The following COBL variants were observed in gnomAD, a reference collection of about 807,000 sequenced individuals.
The protein encoded by COBL is cordon-bleu WH2 repeat protein.
In COBL, 51 loss-of-function variants were observed where a neutral mutation model predicts 98.8. That is an observed-to-expected ratio of 0.52 (90% CI 0.41 to 0.65). COBL has a LOEUF of 0.65. Among genes scored for constraint, COBL ranks in the 30% least tolerant of loss-of-function variants. The pLI is 0.00. For missense variants in COBL, 1,617 were observed against 1,617.5 expected (o/e 1.00, Z 0.01); for synonymous variants, 634 against 651.7 (o/e 0.97, Z 0.41).
intron 1 of COBL, among the ~76,000 whole-genome samples, chr7:51,314,677 T>C: frequency 6.6e-6 from 1 of 152,164 alleles, no homozygotes; most frequent in Non-Finnish European, 1.5e-5. Flanking sequence ...AATGACAAAG[T>C]GAGAACAATA....
chr7:51,316,510 G>A, intron 1 of COBL, 83 bp downstream of exon 1: 1 of 1,069,928 alleles, frequency 9.3e-7, no homozygotes, highest in South Asian at 4.2e-5. Flanking sequence ...AGGGCGCCCT[G>A]CCCGGGAGCG....
At chr7:51,292,450 G>A (rs764889929) in intron 1 of COBL, among the ~76,000 whole-genome samples, 10 of 152,166 alleles carry the variant, frequency 6.6e-5, no homozygotes, top group East Asian at 5.8e-4. Flanking sequence ...ATTAAAAAAC[G>A]TCCATCAGAA....
chr7:51,111,000 G>A (rs567698159), intron 6 of COBL, among the ~76,000 whole-genome samples: 24 of 152,286 alleles, frequency 1.6e-4, no homozygotes, highest in African/African-American at 5.5e-4. Context: ...ATAAACATGC[G>A]TGTGCAAGTA....
chr7:51,202,070 G>A (rs1401290320), intron 2 of COBL, among the ~76,000 whole-genome samples: 1 of 152,190 alleles, frequency 6.6e-6, no homozygotes, highest in Non-Finnish European at 1.5e-5. Flanking sequence ...TGGTATTGCA[G>A]TGCTTGTGTT....
chr7:51,225,017 G>A (rs1451272921), intron 1 of COBL, among the ~76,000 whole-genome samples: 1 of 152,162 alleles, frequency 6.6e-6, no homozygotes, highest in Non-Finnish European at 1.5e-5. Context: ...GACTGTGTGT[G>A]TGGATGGCCT....
At chr7:51,280,672 C>A (rs1262553603) in intron 1 of COBL, among the ~76,000 whole-genome samples, 1 of 152,274 alleles carries the variant, frequency 6.6e-6, no homozygotes, top group South Asian at 2.1e-4. Flanking sequence ...GAGGGAGGAA[C>A]AACATAAAGT....
At chr7:51,275,711 C>T (rs1049208560) in intron 1 of COBL, among the ~76,000 whole-genome samples, 3 of 152,350 alleles carry the variant, frequency 2.0e-5, no homozygotes, top group South Asian at 2.1e-4. Context: ...GAGCTCCGCA[C>T]GCAGCCCACC....
intron 2 of COBL, among the ~76,000 whole-genome samples, chr7:51,213,283 G>A (rs545580075): frequency 2.6e-5 from 4 of 152,200 alleles, no homozygotes; most frequent in Non-Finnish European, 5.9e-5. Context: ...CGCACAGCAG[G>A]TGAGCAGTGA....
chr7:51,147,875 C>T (rs182802184), intron 5 of COBL, among the ~76,000 whole-genome samples: 21 of 152,114 alleles, frequency 1.4e-4, no homozygotes, highest in African/African-American at 4.6e-4. Flanking sequence ...CTCAGCCTCC[C>T]AAGTAGCTGG....
chr7:51,217,031 A>G (rs1225948896), intron 2 of COBL, among the ~76,000 whole-genome samples: 1 of 152,218 alleles, frequency 6.6e-6, no homozygotes, highest in Non-Finnish European at 1.5e-5. Context: ...GGCAGCTCAC[A>G]GCTGCTGCTA....
intron 6 of COBL, among the ~76,000 whole-genome samples, chr7:51,122,803 A>G (rs1413478828): frequency 1.3e-5 from 2 of 152,044 alleles, no homozygotes; most frequent in African/African-American, 4.8e-5. Flanking sequence ...ACATGGCAAA[A>G]CCCTGTCTCT....
At position 51,055,690 on chromosome 7, in the gene COBL, G is replaced by T. The variant is rs113480240; in HGVS notation, c.1097-11998C>A. ...CTGCTGCCGGCCGGCCGGCCTGGGCGACACATGGGAGGGCTTCCTTCGTAC... is the reference window on the plus strand; with the variant it reads ...CTGCTGCCGGCCGGCCGGCCTGGGCTACACATGGGAGGGCTTCCTTCGTAC... On this transcript the variant is annotated intron_variant, in intron 7 of 12. Coordinates refer to ENST00000265136, the MANE Select transcript of COBL (RefSeq NM_015198.5). Among the ~76,000 whole-genome samples, 569 of 152,314 alleles carry T rather than the reference G, an allele frequency of 3.7e-3. 5 individuals are homozygous for T. Among genetic ancestry groups the T allele is most frequent in the African/African-American group, 0.013 (541 of 41,588 alleles).
At chr7:51,163,166 A>T (rs1562982994) in intron 5 of COBL, among the ~76,000 whole-genome samples, 1 of 152,206 alleles carries the variant, frequency 6.6e-6, no homozygotes, top group East Asian at 1.9e-4. Context: ...CCTCCGTTTG[A>T]TCCCCTCTTC....
intron 1 of COBL, among the ~76,000 whole-genome samples, chr7:51,230,424 G>A (rs538771331): frequency 6.6e-6 from 1 of 152,268 alleles, no homozygotes; most frequent in South Asian, 2.1e-4. Context: ...GCTCTGCCAA[G>A]GCTCAAACCC....
Position 51,224,539 on chromosome 7 carries a change from CAGG to C in COBL, c.42-4598_42-4596del, listed in dbSNP as rs1584234452. ...TGAGAAAAAGAGACAAAGCCTGGGGCAGGAGGAGAAGTCCCCAAAGAGAAAAAG... is the reference window on the plus strand; with the variant it reads ...TGAGAAAAAGAGACAAAGCCTGGGGCAGGAGAAGTCCCCAAAGAGAAAAAG... On this transcript the variant is annotated intron_variant, in intron 1 of 12. Transcript: ENST00000265136. 2.0e-5 allele frequency among the ~76,000 whole-genome samples: 3 copies of C among 150,802 alleles called. No individual in the cohort carries two copies. The South Asian group carries it at 6.3e-4, about 32-fold the overall frequency.
chr7:51,088,845 C>T (rs1358481213), intron 6 of COBL, among the ~76,000 whole-genome samples: 6 of 152,330 alleles, frequency 3.9e-5, no homozygotes, highest in African/African-American at 1.2e-4. Flanking sequence ...CTGAGGGAAA[C>T]TAGGCCTTCC....
At chr7:51,112,057 A>C (rs1266751395) in intron 6 of COBL, among the ~76,000 whole-genome samples, 1 of 152,130 alleles carries the variant, frequency 6.6e-6, no homozygotes, top group African/African-American at 2.4e-5. Context: ...AGTCCAGGCA[A>C]TTTTCAGGTG....
At chr7:51,301,155 G>C (rs1021304837) in intron 1 of COBL, among the ~76,000 whole-genome samples, 1 of 152,148 alleles carries the variant, frequency 6.6e-6, no homozygotes, top group African/African-American at 2.4e-5. Context: ...GCTCCCTCCG[G>C]CGCTGCCCTG....
chr7:51,269,016 G>A (rs955709018), intron 1 of COBL, among the ~76,000 whole-genome samples: 1 of 151,916 alleles, frequency 6.6e-6, no homozygotes, highest in Admixed American at 6.5e-5. Flanking sequence ...TCAGCAGGGA[G>A]TGCACCCCAG....
Sources: allele counts gnomAD v4.1 joint callset (sites outside exome capture counted in the v4.1 genomes callset), GRCh38; gene constraint gnomAD v4.1.1; transcripts MANE v1.5; gene names NCBI Gene and HGNC (gene_info 2026-07-23, HGNC 2026-07-21).